The following WDR25 variants were observed in gnomAD, a reference collection of about 807,000 sequenced individuals.
WDR25 encodes WD repeat domain 25.
WDR25 carries 35 observed loss-of-function variants against 47.7 expected under a neutral mutation model. The ratio of observed to expected loss-of-function variants is 0.73; its 90% CI spans 0.56 to 0.97. The LOEUF is 0.97. WDR25 is among the 50% of genes least tolerant of loss of function. The probability of loss-of-function intolerance (pLI) is 0.00; values close to 1 mark genes in which losing one functional copy is unlikely to be tolerated. For synonymous variants in WDR25, 248 were observed against 278.9 expected (o/e 0.89, Z 1.10); for missense variants, 634 against 704.7 (o/e 0.90, Z 1.14).
intron 4 of WDR25, among the ~76,000 whole-genome samples, chr14:100,496,194 G>T (rs1269842673): frequency 6.6e-6 from 1 of 152,180 alleles, no homozygotes; most frequent in Non-Finnish European, 1.5e-5. Flanking sequence ...GTTTGATATA[G>T]AACTATTCAG....
At position 100,500,696 on chromosome 14, in the gene WDR25, A is replaced by G; in HGVS notation, c.1101+16572A>G. On this transcript the variant is annotated intron_variant, in intron 4 of 6. Transcript: ENST00000402312. The surrounding 1 kb of genome is among the most constrained non-coding windows in gnomAD (Gnocchi z 4.7). ...GGCCTGAGCCTCTGTCCATTGTCCT[A>G]CGTGGCTTCTTTGGGGTTGAGGGTG... 6.6e-6 allele frequency among the ~76,000 whole-genome samples: 1 copy of G among 151,962 alleles called. No homozygotes were observed. The highest frequency in any genetic ancestry group is 1.9e-4 in the East Asian group (1 of 5,180).
At position 100,382,245 on chromosome 14, in the gene WDR25, C is replaced by T. The variant is rs1896921413; in HGVS notation, c.822+499C>T. 3 of 697,938 alleles carry T rather than the reference C, an allele frequency of 4.3e-6. No individual in the cohort carries two copies. The South Asian group carries it at 4.5e-5, about 10-fold the overall frequency. 43.2% of individuals were successfully genotyped at this position (697,938 alleles called of 1,614,324 possible). A position where few individuals can be genotyped will look rare whatever the true frequency, so the allele number is the denominator to read the frequency against. ...CTCAACCCTGAGCTGTGAGGACGGC[C>T]CCCAGTAGGACACACAGGTGCTCTG... On this transcript the variant is annotated intron_variant, in intron 2 of 6. Coordinates refer to ENST00000402312, the MANE Select transcript of WDR25 (RefSeq NM_001161476.3).
At chr14:100,454,419 A>G in intron 2 of WDR25, 1 of 1,287,268 alleles carries the variant, frequency 7.8e-7, no homozygotes, top group South Asian at 1.2e-5. Context: ...AATTACTGCA[A>G]AACAGATGCT....
chr14:100,484,958 C>T (rs970502489), intron 4 of WDR25, among the ~76,000 whole-genome samples: 2 of 152,184 alleles, frequency 1.3e-5, no homozygotes, highest in Non-Finnish European at 2.9e-5. Flanking sequence ...CATCAGAATC[C>T]TCCAGGCTCT....
intron 5 of WDR25, among the ~76,000 whole-genome samples, chr14:100,528,224 T>TATTA (rs1056031189): frequency 8.5e-5 from 13 of 152,158 alleles, no homozygotes; most frequent in Middle Eastern, 3.4e-3. Context: ...TCATAATCAA[T>TATTA]ATTAAGTATG....
chr14:100,398,570 G>T (rs569840002), intron 2 of WDR25, among the ~76,000 whole-genome samples: 18 of 151,846 alleles, frequency 1.2e-4, no homozygotes, highest in African/African-American at 4.1e-4. Flanking sequence ...CAACTTCTTC[G>T]AATGGTAACA....
intron 2 of WDR25, among the ~76,000 whole-genome samples, chr14:100,408,792 G>T (rs932615928): frequency 2.0e-5 from 3 of 152,004 alleles, no homozygotes; most frequent in Non-Finnish European, 4.4e-5. Flanking sequence ...TGGGTGTTTT[G>T]TTTTTGAAAA....
intron 4 of WDR25, among the ~76,000 whole-genome samples, chr14:100,491,300 T>TG (rs1261251493): frequency 6.6e-6 from 1 of 152,232 alleles, no homozygotes; most frequent in African/African-American, 2.4e-5. Context: ...GACTGTGAAC[T>TG]GGGGGTGGTT....
chr14:100,519,140 C>A (rs1393590974), intron 4 of WDR25, among the ~76,000 whole-genome samples: 2 of 152,084 alleles, frequency 1.3e-5, no homozygotes, highest in Non-Finnish European at 2.9e-5. Context: ...CCATACTGGT[C>A]TTTATTCAAA....
At chr14:100,436,326 T>G (rs1210875419) in intron 2 of WDR25, among the ~76,000 whole-genome samples, 1 of 152,182 alleles carries the variant, frequency 6.6e-6, no homozygotes, top group African/African-American at 2.4e-5. Flanking sequence ...CCACAGACTG[T>G]GTGTGCTTGT....
At position 100,440,674 on chromosome 14, in the gene WDR25, T is replaced by A. The variant is rs1441566027; in HGVS notation, c.823-27347T>A. On this transcript the variant is annotated intron_variant, in intron 2 of 6. Coordinates refer to ENST00000402312, the MANE Select transcript of WDR25 (RefSeq NM_001161476.3). This position sits in a 1 kb window ranked among gnomAD's most constrained non-coding sequence, Gnocchi z 4.4. Reference sequence around the variant, plus strand: ...TGGTCTATTTAGTCTCATTCCCTGTTTTTATTCCCTTCTTTTATTTAGGGA... The same window carrying A: ...TGGTCTATTTAGTCTCATTCCCTGTATTTATTCCCTTCTTTTATTTAGGGA... 6.6e-6 allele frequency among the ~76,000 whole-genome samples: 1 copy of A among 152,270 alleles called. No homozygotes were observed. Among genetic ancestry groups the A allele is most frequent in the East Asian group, 1.9e-4 (1 of 5,202 alleles).
chr14:100,444,391 C>T (rs542304339), intron 2 of WDR25, among the ~76,000 whole-genome samples: 41 of 152,320 alleles, frequency 2.7e-4, no homozygotes, highest in African/African-American at 6.5e-4. Context: ...TGCAGGGAAC[C>T]GCAGGATGGA....
At chr14:100,459,333 AG>A (rs1028559121) in intron 2 of WDR25, among the ~76,000 whole-genome samples, 43 of 152,334 alleles carry the variant, frequency 2.8e-4, no homozygotes, top group African/African-American at 9.9e-4. Flanking sequence ...AAGAAGAAAT[AG>A]ATAACCCCCA....
rs915904654 is a variant in WDR25, at chr14:100,391,633, G to A, written c.822+9887G>A. On this transcript the variant is annotated intron_variant, in intron 2 of 6. Coordinates refer to ENST00000402312, the MANE Select transcript of WDR25 (RefSeq NM_001161476.3). ...AGAGGCAATGACTGCAGACTTTTTG[G>A]TATATTTTCATCCAGCCTTAAAAAA... 4.1e-4 allele frequency among the ~76,000 whole-genome samples: 58 copies of A among 143,168 alleles called. 1 individual carries two copies. Among genetic ancestry groups the A allele is most frequent in the African/African-American group, 1.2e-3 (46 of 37,740 alleles). 93.9% of individuals were successfully genotyped at this position (143,168 alleles called of 152,430 possible).
Position 100,529,400 on chromosome 14 carries a change from G to A in WDR25, c.1413+192G>A. On this transcript the variant is annotated intron_variant, in intron 6 of 6. Coordinates refer to ENST00000402312, the MANE Select transcript of WDR25 (RefSeq NM_001161476.3). This position sits in a 1 kb window ranked among gnomAD's most constrained non-coding sequence, Gnocchi z 5.1. ...GAACCACATCTGGTCCTCACCCCAG[G>A]CCCCACGTACTGGGCAGGAAGCAGT... 1 of 833,618 alleles carries A rather than the reference G, an allele frequency of 1.2e-6. No homozygotes were observed. The highest frequency in any genetic ancestry group is 2.7e-5 in the Admixed American group (1 of 36,730). 51.6% of individuals were successfully genotyped at this position (833,618 alleles called of 1,614,324 possible). A position where few individuals can be genotyped will look rare whatever the true frequency, so the allele number is the denominator to read the frequency against.
At chr14:100,435,323 C>T (rs1465856523) in intron 2 of WDR25, among the ~76,000 whole-genome samples, 1 of 152,144 alleles carries the variant, frequency 6.6e-6, no homozygotes, top group Non-Finnish European at 1.5e-5. Flanking sequence ...GGAAAAAGGC[C>T]CCAGGGAGGG....
intron 4 of WDR25, among the ~76,000 whole-genome samples, chr14:100,513,068 A>G (rs1901362530): frequency 6.6e-6 from 1 of 152,208 alleles, no homozygotes; most frequent in Non-Finnish European, 1.5e-5. Flanking sequence ...TGTTGGGTGC[A>G]GTGTTCTATA....
chr14:100,506,968 T>A lies in WDR25; in HGVS notation c.1102-18902T>A, dbSNP rs937335563. On this transcript the variant is annotated intron_variant, in intron 4 of 6. Coordinates refer to ENST00000402312, the MANE Select transcript of WDR25 (RefSeq NM_001161476.3). The surrounding 1 kb of genome is among the most constrained non-coding windows in gnomAD (Gnocchi z 4.8). ...TTTTATTGCAGTTGCTTTTGAGGAC[T>A]TAGCAATAAATTCTTTCCTAAGGCT... is the stretch of plus-strand genomic sequence containing the variant. Among the ~76,000 whole-genome samples the A allele has an allele frequency of 1.8e-4, 28 of 152,230 alleles. No individual in the cohort carries two copies. The highest frequency in any genetic ancestry group is 6.3e-4 in the African/African-American group (26 of 41,458).
intron 3 of WDR25, among the ~76,000 whole-genome samples, chr14:100,483,444 C>T (rs1184214861): frequency 6.6e-6 from 1 of 152,188 alleles, no homozygotes; most frequent in East Asian, 1.9e-4. Context: ...CCATGATGGC[C>T]ACTCTCATTT....
Sources: gnomAD v4.1 joint callset for allele counts (sites outside exome capture counted in the v4.1 genomes callset) on GRCh38, gnomAD v4.1.1 for gene constraint, Gnocchi (gnomAD v3.1) non-coding constraint, MANE v1.5 for transcripts, NCBI Gene and HGNC (gene_info 2026-07-23, HGNC 2026-07-21) for gene names.